The following ZFYVE1 variants were observed in gnomAD, a reference collection of about 807,000 sequenced individuals.
ZFYVE1 encodes zinc finger FYVE-type containing 1.
ZFYVE1 carries 30 observed loss-of-function variants against 74.4 expected under a neutral mutation model. The observed-to-expected ratio is 0.40, with a 90% CI of 0.30 to 0.55. The LOEUF is 0.55. ZFYVE1 is among the 20% of genes least tolerant of loss of function. The probability of loss-of-function intolerance (pLI) is 0.42; values close to 1 mark genes in which losing one functional copy is unlikely to be tolerated. For synonymous variants in ZFYVE1, 335 were observed against 385.1 expected (o/e 0.87, Z 1.52); for missense variants, 703 against 1,011.6 (o/e 0.69, Z 4.14).
rs1893013026 is a variant in ZFYVE1 at position 72,970,828 on chromosome 14, T to C, written c.*54A>G. On this transcript the variant is annotated 3_prime_UTR_variant, in exon 12 of 12. Coordinates refer to ENST00000556143, the MANE Select transcript of ZFYVE1 (RefSeq NM_021260.4). ...GAGGAGGGCCTACCTCGCAAGACTG[T>C]TTCTAACCCTGAGAACCTAAGGAAT... 3.2e-6 allele frequency: 5 copies of C among 1,586,936 alleles called. No individual in the cohort carries two copies. The highest frequency in any genetic ancestry group is 3.4e-6 in the Non-Finnish European group (4 of 1,161,184).
At chr14:73,003,255 G>A (rs192788728) in intron 2 of ZFYVE1, among the ~76,000 whole-genome samples, 6 of 151,574 alleles carry the variant, frequency 4.0e-5, no homozygotes, top group African/African-American at 1.2e-4. Context: ...ATGGGATTTC[G>A]CCATGTTTGC....
chr14:72,996,122 G>A (rs756815207), intron 3 of ZFYVE1, among the ~76,000 whole-genome samples: 4 of 152,054 alleles, frequency 2.6e-5, no homozygotes, highest in Admixed American at 6.6e-5. Flanking sequence ...GGCAGGGGAG[G>A]GGCTGCATTC....
At chr14:72,973,956 T>G in intron 11 of ZFYVE1, 124 bp downstream of exon 11, 1 of 738,806 alleles carries the variant, frequency 1.4e-6, no homozygotes. Context: ...TGGCATTGTG[T>G]AATTGATTCC....
chr14:72,977,357 G>C (rs181299224), intron 8 of ZFYVE1, among the ~76,000 whole-genome samples: 6 of 152,026 alleles, frequency 3.9e-5, no homozygotes, highest in African/African-American at 1.4e-4. Context: ...AGTGAGCCAA[G>C]AGAGCCAAGA....
Position 72,970,766 on chromosome 14 carries a change from C to G in ZFYVE1, c.*116G>C. Reference sequence around the variant, plus strand: ...CACTGAGGGAAAGTGGCCCTGGATGCGGAGAGGAGAGGACACACACCACAG... The same window carrying G: ...CACTGAGGGAAAGTGGCCCTGGATGGGGAGAGGAGAGGACACACACCACAG... On this transcript the variant is annotated 3_prime_UTR_variant, in exon 12 of 12. Transcript: ENST00000556143. 1 of 1,152,460 alleles carries G rather than the reference C, an allele frequency of 8.7e-7. No homozygotes were observed. The highest frequency in any genetic ancestry group is 1.2e-6 in the Non-Finnish European group (1 of 817,164). The allele number at this position is 1,152,460 out of a possible 1,614,324, so 71.4% of individuals were successfully genotyped here.
At chr14:72,979,051 G>A (rs1893255443) in intron 5 of ZFYVE1, 82 bp from the exon 6 acceptor site, 16 of 1,235,958 alleles carry the variant, frequency 1.3e-5, no homozygotes, top group Non-Finnish European at 1.8e-5. Context: ...CCTGAGCCAG[G>A]CACAAGGCCA....
intron 4 of ZFYVE1, among the ~76,000 whole-genome samples, chr14:72,992,817 G>A (rs1011865954): frequency 1.7e-4 from 26 of 152,106 alleles, no homozygotes; most frequent in Non-Finnish European, 1.5e-5. Flanking sequence ...GTTAAGAAAA[G>A]CATAAAGGCT....
intron 8 of ZFYVE1, among the ~76,000 whole-genome samples, chr14:72,977,314 G>A (rs1039109909): frequency 6.6e-6 from 1 of 152,068 alleles, no homozygotes; most frequent in African/African-American, 2.4e-5. Context: ...GCTGAGGCAG[G>A]AGAATCACTT....
intron 4 of ZFYVE1, among the ~76,000 whole-genome samples, chr14:72,990,553 C>T (rs970327765): frequency 2.0e-5 from 3 of 151,908 alleles, no homozygotes; most frequent in East Asian, 1.9e-4. Flanking sequence ...CGCACCACCA[C>T]GCGCAGCTAA....
intron 4 of ZFYVE1, among the ~76,000 whole-genome samples, chr14:72,992,630 T>TACCCC (rs1324391955): frequency 1.8e-5 from 1 of 55,308 alleles, no homozygotes; most frequent in East Asian, 4.8e-4. Context: ...CCCCGCCCCT[T>TACCCC]GCAAGAGAGA....
rs138658039 is a variant in ZFYVE1 at position 72,993,167 on chromosome 14, C to T, written c.1179G>A (p.Pro393=). ...ENNTTRSPRH[P]GVIFKALKAL... ...CCTTCAGGGCTTTGAAGATGACTCC[C>T]GGGTGCCGGGGAGAACGGGTGGTGT... Residue 393 remains proline, a synonymous_variant, in exon 4 of 12, where the codon CCG becomes CCA. Transcript: ENST00000556143. 7.8e-5 allele frequency: 125 copies of T among 1,610,536 alleles called. No individual in the cohort carries two copies. Among genetic ancestry groups the T allele is most frequent in the Admixed American group, 1.3e-4 (8 of 59,806 alleles).
rs1245071776 is a variant in ZFYVE1, at chr14:72,992,622, C to CCCCT, written c.1203+520_1203+521insAGGG. On this transcript the variant is annotated intron_variant, in intron 4 of 11. Transcript: ENST00000556143. ...GGGAGGTCCCATTCAGGTGCCCCCC[C>CCCCT]CGCCCCTTGCAAGAGAGAGAGAGCT... is the stretch of plus-strand genomic sequence containing the variant. 1.8e-5 allele frequency among the ~76,000 whole-genome samples: 2 copies of CCCCT among 112,962 alleles called. 1 individual carries two copies. Among genetic ancestry groups the CCCCT allele is most frequent in the Non-Finnish European group, 3.9e-5 (2 of 50,916 alleles). 74.1% of individuals were successfully genotyped at this position (112,962 alleles called of 152,430 possible).
At chr14:72,988,375 G>A (rs373534215) in intron 4 of ZFYVE1, among the ~76,000 whole-genome samples, 71 of 151,928 alleles carry the variant, frequency 4.7e-4, no homozygotes, top group African/African-American at 1.6e-3. Context: ...GGGTTTTGCC[G>A]TGTTGGCCAG....
At chr14:73,020,259 C>CA (rs33955263) in intron 2 of ZFYVE1, among the ~76,000 whole-genome samples, 31,122 of 106,360 alleles carry the variant, frequency 0.29, 5,451 homozygotes, top group East Asian at 0.43. Flanking sequence ...GACTCCATCT[C>CA]AAAAAAAAAA....
In ZFYVE1 at chr14:72,993,253, A is replaced by C; in HGVS notation, c.1093T>G (p.Tyr365Asp). The stretch of plus-strand genomic sequence containing the variant: ...CCAGAAAAGTCCGTGGGAGGGTTGT[A>C]AGTCCTCGTTCCCTTGTAGTGAATG... ...SSIHYKGTRT[Y>D]NPPTDFSGLR... The change falls in exon 4 of 12, where the codon TAC becomes GAC. Residue 365 changes from tyrosine to aspartate, a missense_variant. Transcript: ENST00000556143. 6.2e-7 allele frequency: 1 copy of C among 1,613,830 alleles called. No individual in the cohort carries two copies. The highest frequency in any genetic ancestry group is 8.5e-7 in the Non-Finnish European group (1 of 1,179,964).
chr14:72,999,987 G>T (rs903171534), intron 2 of ZFYVE1, among the ~76,000 whole-genome samples: 1 of 152,130 alleles, frequency 6.6e-6, no homozygotes, highest in Non-Finnish European at 1.5e-5. Flanking sequence ...CTTGAACCCG[G>T]GAGGCAGACT....
At chr14:72,989,526 A>C (rs1416411108) in intron 4 of ZFYVE1, among the ~76,000 whole-genome samples, 1 of 152,180 alleles carries the variant, frequency 6.6e-6, no homozygotes, top group Non-Finnish European at 1.5e-5. Flanking sequence ...GTTTATCATG[A>C]ATATGCATTG....
Position 72,974,794 on chromosome 14 carries a change from T to C in ZFYVE1, c.1972A>G (p.Arg658Gly). ...CCCACGTTACCTAACTGGACGTTCC[T>C]GGCTTCGTAGCAGTTGTCACAGACC... ...VRVCDNCYEA[R>G]NVQLAVTEAQ... The change falls in exon 10 of 12, where the codon AGG (arginine) becomes GGG (glycine). Residue 658 changes from arginine (R) to glycine (G), a missense_variant. By Grantham distance (125) the Arg-to-Gly change is moderately radical. Coordinates refer to ENST00000556143, the MANE Select transcript of ZFYVE1 (RefSeq NM_021260.4). 1 of 1,600,524 alleles carries C rather than the reference T, an allele frequency of 6.2e-7. No homozygotes were observed. The highest frequency in any genetic ancestry group is 1.3e-5 in the African/African-American group (1 of 74,786).
chr14:73,026,427 C>T (rs911891704), intron 1 of ZFYVE1, among the ~76,000 whole-genome samples: 1 of 152,140 alleles, frequency 6.6e-6, no homozygotes, highest in African/African-American at 2.4e-5. Flanking sequence ...AATCTATCAA[C>T]CTTATTTTCA....
Sources: allele counts gnomAD v4.1 joint callset (sites outside exome capture counted in the v4.1 genomes callset), GRCh38; gene constraint gnomAD v4.1.1; transcripts MANE v1.5; gene names NCBI Gene and HGNC (gene_info 2026-07-23, HGNC 2026-07-21).